Variants in DVL1 observed in about 807,000 individuals in gnomAD.
The protein encoded by DVL1 is segment polarity protein dishevelled homolog DVL-1.
DVL1 carries 49 observed loss-of-function variants against 65.0 expected under a neutral mutation model. The observed-to-expected ratio is 0.75, with a 90% CI of 0.60 to 0.96. The LOEUF (loss-of-function observed/expected upper bound fraction) is 0.96. DVL1 is among the 40% of genes least tolerant of loss of function. The pLI is 0.00. For synonymous variants in DVL1, 608 were observed against 433.9 expected (o/e 1.40, Z -4.99); for missense variants, 1,197 against 1,045.4 (o/e 1.15, Z -2.00).
intron 1 of DVL1, among the ~76,000 whole-genome samples, chr1:1,348,694 T>C (rs938011996): frequency 4.6e-5 from 7 of 151,852 alleles, no homozygotes; most frequent in African/African-American, 1.7e-4. Flanking sequence ...GAACCCCGCC[T>C]GCCATCGCCC....
chr1:1,346,015 G>C (rs998676388), intron 1 of DVL1, among the ~76,000 whole-genome samples: 4 of 152,160 alleles, frequency 2.6e-5, no homozygotes, highest in Non-Finnish European at 5.9e-5. Flanking sequence ...TCCCTGCTAG[G>C]CCATGGCTAT....
intron 11 of DVL1, among the ~76,000 whole-genome samples, 188 bp downstream of exon 11, chr1:1,339,099 C>A (rs1219446296): frequency 6.6e-6 from 1 of 152,248 alleles, no homozygotes; most frequent in Non-Finnish European, 1.5e-5. Flanking sequence ...AACACACAGA[C>A]CATGAGCAGG....
rs561361894 is a variant in DVL1, at chr1:1,341,227, GCA to G, written c.605+438_605+439del. Among the ~76,000 whole-genome samples the G allele has an allele frequency of 3.3e-4, 50 of 151,660 alleles. 1 individual carries two copies. In the South Asian group the frequency reaches 7.3e-3, roughly 22 times the overall value. On this transcript the variant is annotated intron_variant, in intron 5 of 14. Transcript: ENST00000378888. ...CCTGCACACACGCACACGCACACATGCACACACCTGCGCACACGCGTGCATTG... is the reference window on the plus strand; with the variant it reads ...CCTGCACACACGCACACGCACACATGCACACCTGCGCACACGCGTGCATTG...
In DVL1 at chr1:1,339,661, G is replaced by T; in HGVS notation, c.987-12C>A. 6.2e-7 allele frequency: 1 copy of T among 1,611,776 alleles called. No individual in the cohort carries two copies. Among genetic ancestry groups the T allele is most frequent in the Non-Finnish European group, 8.5e-7 (1 of 1,179,198 alleles). On this transcript the variant is annotated splice_polypyrimidine_tract_variant and intron_variant, in intron 9 of 14. Transcript: ENST00000378888. ...TGAGGCTGATGGGCCTGCAGGAACG[G>T]TGGTCACACAGCAAGGCCCCCATGG...
chr1:1,336,024 G>C lies in DVL1; in HGVS notation c.*118C>G, dbSNP rs985351679. ...TGCCAGGGCAGATGGTGGTGGTCCA[G>C]CCTGCCCCCCACCCTGCCTCCCGTC... On this transcript the variant is annotated 3_prime_UTR_variant, in exon 15 of 15. Coordinates refer to ENST00000378888, the MANE Select transcript of DVL1 (RefSeq NM_001330311.2). 1.8e-5 allele frequency: 25 copies of C among 1,371,340 alleles called. No homozygotes were observed. The highest frequency in any genetic ancestry group is 2.4e-5 in the Non-Finnish European group (24 of 1,019,014). The allele number at this position is 1,371,340 out of a possible 1,614,324, so 84.9% of individuals were successfully genotyped here. A position where few individuals can be genotyped will look rare whatever the true frequency, so the allele number is the denominator to read the frequency against.
intron 1 of DVL1, among the ~76,000 whole-genome samples, chr1:1,343,435 C>T (rs1322697249): frequency 1.3e-5 from 2 of 152,230 alleles, no homozygotes; most frequent in Non-Finnish European, 2.9e-5. Flanking sequence ...AGCCGCCCAC[C>T]CCTCAACAGC....
Position 1,336,426 on chromosome 1 carries a change from T to G in DVL1, c.1804A>C (p.Ser602Arg), listed in dbSNP as rs753552772. 1.9e-6 allele frequency: 3 copies of G among 1,594,726 alleles called. No homozygotes were observed. The highest frequency in any genetic ancestry group is 1.7e-6 in the Non-Finnish European group (2 of 1,176,396). Residue 602 changes from serine (S) to arginine (R), a missense_variant, in exon 15 of 15, where the codon AGT becomes CGT. Ser to Arg is a moderately radical substitution (Grantham distance 110). Coordinates refer to ENST00000378888, the MANE Select transcript of DVL1 (RefSeq NM_001330311.2). Reference protein sequence around the residue: ...RRAAGAGGSGSESDHTAPSGV... With the variant: ...RRAAGAGGSGRESDHTAPSGV... ...CTCGGTGCCGTGTGATCCGATTCAC[T>G]GCCACTGCCCCCAGCTCCCGCCGCC...
At chr1:1,341,552 A>ACACACATG in intron 5 of DVL1, 115 bp downstream of exon 5, 1 of 940,858 alleles carries the variant, frequency 1.1e-6, no homozygotes, top group Non-Finnish European at 1.3e-6. Flanking sequence ...ACACACATGC[A>ACACACATG]CACACACGCA....
chr1:1,337,969 G>A lies in DVL1; in HGVS notation c.1714+8C>T, dbSNP rs370632814. On this transcript the variant is annotated splice_region_variant and intron_variant, in intron 14 of 14. Coordinates refer to ENST00000378888, the MANE Select transcript of DVL1 (RefSeq NM_001330311.2). The stretch of plus-strand genomic sequence containing the variant: ...CCGGGGAAGGGCAGGTAGGGGCGGC[G>A]TTCTCACCTTCACTCTGCTGACTCC... 1.5e-5 allele frequency: 24 copies of A among 1,609,792 alleles called. No homozygotes were observed. The highest frequency in any genetic ancestry group is 5.5e-5 in the South Asian group (5 of 90,824).
rs148469831 is a variant in DVL1 at position 1,340,248 on chromosome 1, C to A, written c.768G>T (p.Met256Ile). 1 of 1,614,004 alleles carries A rather than the reference C, an allele frequency of 6.2e-7. No homozygotes were observed. Among genetic ancestry groups the A allele is most frequent in the Non-Finnish European group, 8.5e-7 (1 of 1,180,006 alleles). ...SLNIVTVTLNMERHHFLGISI... is the reference protein window; with the variant it reads ...SLNIVTVTLNIERHHFLGISI... ...CCAACCCTCGCCCCGAGGCCTCACCCATGTTGAGCGTGACAGTGACGATGT... is the reference window on the plus strand; with the variant it reads ...CCAACCCTCGCCCCGAGGCCTCACCAATGTTGAGCGTGACAGTGACGATGT... Residue 256 changes from methionine (M) to isoleucine (I), a missense_variant and splice_region_variant, in exon 7 of 15, where the codon ATG becomes ATT. Physicochemically the swap from Met to Ile is conservative, Grantham distance 10. Coordinates refer to ENST00000378888, the MANE Select transcript of DVL1 (RefSeq NM_001330311.2).
Position 1,338,335 on chromosome 1 carries a change from G to A in DVL1, c.1441C>T (p.Arg481Trp), listed in dbSNP as rs970301024. The A allele has an allele frequency of 1.9e-6, 3 of 1,612,144 alleles. No individual in the cohort carries two copies. The highest frequency in any genetic ancestry group is 2.2e-5 in the East Asian group (1 of 44,824). Reference sequence around the variant, plus strand: ...AAGGTGATCTTGTTGACCGTGTGCCGCAGGAAGCCGTGCTTCAGCAAGCTG... The same window carrying A: ...AAGGTGATCTTGTTGACCGTGTGCCACAGGAAGCCGTGCTTCAGCAAGCTG... ...ASSLLKHGFL[R>W]HTVNKITFSE... is the part of the protein sequence containing the mutation. Residue 481 changes from arginine (R) to tryptophan (W), a missense_variant, in exon 13 of 15, where the codon CGG becomes TGG. Coordinates refer to ENST00000378888, the MANE Select transcript of DVL1 (RefSeq NM_001330311.2).
At chr1:1,337,206 G>T in intron 14 of DVL1, 1 of 518,526 alleles carries the variant, frequency 1.9e-6, no homozygotes, top group Non-Finnish European at 2.5e-6. Flanking sequence ...TAGACACCCA[G>T]CGTGGCTTCT....
At position 1,340,287 on chromosome 1, in the gene DVL1, G is replaced by A. The variant is rs1183383008; in HGVS notation, c.729C>T (p.Ser243=). Residue 243 remains serine, a synonymous_variant, in exon 7 of 15, where the codon TCC becomes TCT. Coordinates refer to ENST00000378888, the MANE Select transcript of DVL1 (RefSeq NM_001330311.2). ...CAGTGACGATGTTGAGGGACATGGT[G>A]GAGTCGGTTATGCTGCTGAAGGAGG... ...RASSFSSITD[S]TMSLNIVTVT... The A allele has an allele frequency of 3.1e-6, 5 of 1,614,036 alleles. No homozygotes were observed. The highest frequency in any genetic ancestry group is 1.1e-5 in the South Asian group (1 of 91,090).
At chr1:1,342,339 G>A (rs1217082880) in intron 3 of DVL1, 24 bp downstream of exon 3, 7 of 1,552,280 alleles carry the variant, frequency 4.5e-6, no homozygotes, top group Non-Finnish European at 6.1e-6. Flanking sequence ...GGGTAGCAGG[G>A]CCCAGCGCCC....
intron 13 of DVL1, 40 bp downstream of exon 13, chr1:1,338,229 T>TGGGCCA: frequency 6.6e-7 from 1 of 1,522,370 alleles, no homozygotes; most frequent in Non-Finnish European, 9.0e-7. Flanking sequence ...CCTCCGGCGT[T>TGGGCCA]CCCCTCCCCC....
At position 1,335,838 on chromosome 1, in the gene DVL1, G is replaced by T; in HGVS notation, c.*304C>A. Reference sequence around the variant, plus strand: ...CTGGGCACAGCTGTGCAGGAGGTGGGGGTCAGCCGAGAGCCCGAGGGGGTC... The same window carrying T: ...CTGGGCACAGCTGTGCAGGAGGTGGTGGTCAGCCGAGAGCCCGAGGGGGTC... On this transcript the variant is annotated 3_prime_UTR_variant, in exon 15 of 15. Coordinates refer to ENST00000378888, the MANE Select transcript of DVL1 (RefSeq NM_001330311.2). The T allele has an allele frequency of 2.2e-6, 1 of 461,674 alleles. No homozygotes were observed. The allele number at this position is 461,674 out of a possible 1,614,324, so 28.6% of individuals were successfully genotyped here.
intron 1 of DVL1, among the ~76,000 whole-genome samples, chr1:1,346,082 C>T (rs1001982494): frequency 1.3e-5 from 2 of 152,148 alleles, no homozygotes; most frequent in East Asian, 1.9e-4. Flanking sequence ...ACTCAGGGCA[C>T]AGAGAGGCTG....
intron 2 of DVL1, 42 bp from the exon 3 acceptor site, chr1:1,342,526 T>A: frequency 6.3e-7 from 1 of 1,595,926 alleles, no homozygotes; most frequent in Non-Finnish European, 8.5e-7. Context: ...CCACCCGCCT[T>A]CAGGACGCCT....
In DVL1 at chr1:1,338,439, G is replaced by T; in HGVS notation, c.1340-3C>A. ...CAGCCAGTCCACCACGTCCGCCCCTGGCCGGCACCAGCGGTCAGCCCGCAG... is the reference window on the plus strand; with the variant it reads ...CAGCCAGTCCACCACGTCCGCCCCTTGCCGGCACCAGCGGTCAGCCCGCAG... On this transcript the variant is annotated splice_polypyrimidine_tract_variant and splice_region_variant and intron_variant, in intron 12 of 14. Transcript: ENST00000378888. 6.2e-7 allele frequency: 1 copy of T among 1,609,504 alleles called. No individual in the cohort carries two copies.
Sources: allele counts gnomAD v4.1 joint callset (sites outside exome capture counted in the v4.1 genomes callset), GRCh38; gene constraint gnomAD v4.1.1; transcripts MANE v1.5; gene names NCBI Gene and HGNC (gene_info 2026-07-23, HGNC 2026-07-21).